Variants in MITF observed in about 807,000 individuals in gnomAD.
MITF encodes melanocyte inducing transcription factor, also known as microphthalmia-associated transcription factor.
MITF carries 17 observed loss-of-function variants against 60.5 expected under a neutral mutation model. The ratio of observed to expected loss-of-function variants is 0.28; its 90% CI spans 0.19 to 0.42. The LOEUF is 0.42. Ranked by LOEUF, MITF falls within the 10% of genes least tolerant of loss-of-function variation. The pLI, the probability that MITF is intolerant of heterozygous loss-of-function variation, is 1.00. For missense variants in MITF, 622 were observed against 683.5 expected, an observed-to-expected ratio of 0.91 and a Z score of 1.00; for synonymous variants, 260 against 248.5, an observed-to-expected ratio of 1.05 and a Z score of -0.43.
At chr3:69,814,772 G>A (rs1034720698) in intron 1 of MITF, among the ~76,000 whole-genome samples, 1 of 152,046 alleles carries the variant, frequency 6.6e-6, no homozygotes, top group African/African-American at 2.4e-5. Context: ...CAAGCTTCCA[G>A]GTGTCCCCTC....
chr3:69,801,164 G>T (rs1395212366), intron 1 of MITF, among the ~76,000 whole-genome samples: 1 of 151,398 alleles, frequency 6.6e-6, no homozygotes, highest in Admixed American at 6.6e-5. Flanking sequence ...TGTAGAAAAA[G>T]CTCGGCTGAC....
At chr3:69,853,832 T>C (rs1293333798) in intron 1 of MITF, among the ~76,000 whole-genome samples, 1 of 152,116 alleles carries the variant, frequency 6.6e-6, no homozygotes, top group Non-Finnish European at 1.5e-5. Context: ...ATTGTGTTAA[T>C]ATTATTCCTC....
chr3:69,883,198 T>A (rs146917715), intron 2 of MITF, among the ~76,000 whole-genome samples: 1 of 152,298 alleles, frequency 6.6e-6, no homozygotes, highest in East Asian at 1.9e-4. Context: ...TTTTCCCTTT[T>A]CTCCAAATCA....
At chr3:69,955,936 A>G (rs1002394718) in intron 7 of MITF, among the ~76,000 whole-genome samples, 36 of 152,350 alleles carry the variant, frequency 2.4e-4, no homozygotes, top group Non-Finnish European at 4.3e-4. Context: ...TTGTACTCGT[A>G]TGTTATATTT....
At position 69,837,794 on chromosome 3, in the gene MITF, C is replaced by T. The variant is rs533756313; in HGVS notation, c.105-41340C>T. The stretch of plus-strand genomic sequence containing the variant: ...GTTTCCCGGCAGAAATATTAATGTA[C>T]TTGATTACAAACTGTTGCCCTGATC... On this transcript the variant is annotated intron_variant, in intron 1 of 9. Transcript: ENST00000352241. 2.0e-5 allele frequency among the ~76,000 whole-genome samples: 3 copies of T among 152,238 alleles called. No individual in the cohort carries two copies. The East Asian group carries it at 5.8e-4, about 29-fold the overall frequency.
intron 1 of MITF, among the ~76,000 whole-genome samples, chr3:69,758,258 C>T (rs1231231508): frequency 2.0e-5 from 3 of 151,928 alleles, no homozygotes; most frequent in African/African-American, 4.8e-5. Context: ...TAGCCTCAAA[C>T]TCCTGGGCTC....
intron 2 of MITF, among the ~76,000 whole-genome samples, chr3:69,933,043 T>C (rs2065757294): frequency 6.6e-6 from 1 of 151,936 alleles, no homozygotes; most frequent in African/African-American, 2.4e-5. Flanking sequence ...ATAAAGCCAT[T>C]TGAGTGTAGA....
At chr3:69,900,451 C>T (rs1277072026) in intron 2 of MITF, among the ~76,000 whole-genome samples, 3 of 152,166 alleles carry the variant, frequency 2.0e-5, no homozygotes, top group Non-Finnish European at 4.4e-5. Flanking sequence ...TGAATTCCTT[C>T]TCCTCCTTCT....
intron 2 of MITF, among the ~76,000 whole-genome samples, chr3:69,904,130 A>G (rs2065049835): frequency 6.6e-6 from 1 of 152,016 alleles, no homozygotes; most frequent in Admixed American, 6.6e-5. Flanking sequence ...TTTTTTTATT[A>G]ATTATTGCCT....
At position 69,941,536 on chromosome 3, in the gene MITF, A is replaced by T. The variant is rs2065968781; in HGVS notation, c.762+205A>T. Among the ~76,000 whole-genome samples, 6 of 152,210 alleles carry T rather than the reference A, an allele frequency of 3.9e-5. No individual in the cohort carries two copies. In the South Asian group the frequency reaches 1.0e-3, roughly 26 times the overall value. ...TTATGAGTTTATGAATAATCCCATGATAAAACTCTACATTCCCTGGAGTCC... is the reference window on the plus strand; with the variant it reads ...TTATGAGTTTATGAATAATCCCATGTTAAAACTCTACATTCCCTGGAGTCC... On this transcript the variant is annotated intron_variant, in intron 5 of 9. Coordinates refer to ENST00000352241, the MANE Select transcript of MITF (RefSeq NM_001354604.2).
chr3:69,959,691 C>T (rs1044543422), intron 9 of MITF, among the ~76,000 whole-genome samples: 2 of 152,180 alleles, frequency 1.3e-5, no homozygotes, highest in Non-Finnish European at 2.9e-5. Context: ...ATGACCCTGC[C>T]TGAGGTTGAC....
intron 2 of MITF, among the ~76,000 whole-genome samples, chr3:69,900,362 T>C (rs1409820684): frequency 6.6e-6 from 1 of 152,220 alleles, no homozygotes; most frequent in Non-Finnish European, 1.5e-5. Context: ...TTCCTGTTTC[T>C]GAACCAACCA....
chr3:69,943,608 C>T (rs1041612143), intron 5 of MITF, among the ~76,000 whole-genome samples: 2 of 152,122 alleles, frequency 1.3e-5, no homozygotes, highest in Non-Finnish European at 2.9e-5. Flanking sequence ...AGCTGATCTT[C>T]ACTGAGCCCC....
At chr3:69,941,772 A>T (rs2065974513) in intron 5 of MITF, among the ~76,000 whole-genome samples, 1 of 152,092 alleles carries the variant, frequency 6.6e-6, no homozygotes, top group African/African-American at 2.4e-5. Flanking sequence ...CCAACAGCAA[A>T]ATCTATTCCA....
At chr3:69,944,408 A>C (rs957227078) in intron 5 of MITF, among the ~76,000 whole-genome samples, 1 of 152,052 alleles carries the variant, frequency 6.6e-6, no homozygotes, top group Non-Finnish European at 1.5e-5. Context: ...CCAGATAAGA[A>C]AGATCCTCTG....
chr3:69,926,584 G>T (rs761147880), intron 2 of MITF, among the ~76,000 whole-genome samples: 2 of 152,118 alleles, frequency 1.3e-5, no homozygotes, highest in Non-Finnish European at 2.9e-5. Flanking sequence ...ACAAAAAGAC[G>T]TCTGCGATTC....
intron 1 of MITF, among the ~76,000 whole-genome samples, chr3:69,785,559 T>C (rs1374564018): frequency 6.6e-6 from 1 of 152,252 alleles, no homozygotes; most frequent in Non-Finnish European, 1.5e-5. Flanking sequence ...ACGTTGTTAC[T>C]GCCTTTTTTG....
At chr3:69,919,488 A>AT (rs750277020) in intron 2 of MITF, among the ~76,000 whole-genome samples, 33 of 151,860 alleles carry the variant, frequency 2.2e-4, no homozygotes, top group Admixed American at 1.8e-3. Context: ...TTAGGATTAA[A>AT]TTTTTTTTTG....
At chr3:69,823,785 G>C (rs1051752171) in intron 1 of MITF, among the ~76,000 whole-genome samples, 5 of 152,110 alleles carry the variant, frequency 3.3e-5, no homozygotes, top group African/African-American at 1.2e-4. Context: ...GATCTTTTCT[G>C]TAAGAATTCT....
Sources: allele counts gnomAD v4.1 joint callset (sites outside exome capture counted in the v4.1 genomes callset), GRCh38; gene constraint gnomAD v4.1.1; transcripts MANE v1.5; gene names NCBI Gene and HGNC (gene_info 2026-07-23, HGNC 2026-07-21).